Variants in SLAIN1 observed in about 807,000 individuals in gnomAD.
SLAIN1 encodes SLAIN motif-containing protein 1.
A neutral mutation model predicts 55.4 loss-of-function variants in SLAIN1; 17 were observed. The observed-to-expected ratio is 0.31, with a 90% CI of 0.21 to 0.46. The LOEUF (loss-of-function observed/expected upper bound fraction) is 0.46. SLAIN1 is among the 20% of genes least tolerant of loss of function. The probability of loss-of-function intolerance (pLI) is 1.00; values close to 1 mark genes in which losing one functional copy is unlikely to be tolerated. For synonymous variants in SLAIN1, 348 were observed against 337.4 expected, an observed-to-expected ratio of 1.03 and a Z score of -0.35; for missense variants, 682 against 785.1, an observed-to-expected ratio of 0.87 and a Z score of 1.57.
At chr13:77,706,110 T>C (rs2091086960) in intron 1 of SLAIN1, among the ~76,000 whole-genome samples, 1 of 152,148 alleles carries the variant, frequency 6.6e-6, no homozygotes. Context: ...GGCATCACTT[T>C]ATACTCTACT....
In SLAIN1 at chr13:77,710,328, A is replaced by T. The variant is rs552219226; in HGVS notation, c.627-9204A>T. On this transcript the variant is annotated intron_variant, in intron 1 of 6. Transcript: ENST00000418532. ...GACCCATTGGTGTGCTGTATTCAGG[A>T]GACCCATCTCACATGCAAAGGCACA... Among the ~76,000 whole-genome samples the T allele has an allele frequency of 7.2e-5, 11 of 152,314 alleles. No homozygotes were observed. In the South Asian group the frequency reaches 2.3e-3, roughly 32 times the overall value.
intron 2 of SLAIN1, among the ~76,000 whole-genome samples, chr13:77,724,646 G>T (rs550529345): frequency 2.6e-5 from 4 of 152,252 alleles, no homozygotes; most frequent in Non-Finnish European, 4.4e-5. Flanking sequence ...AAAAATTATG[G>T]TTTTGACCCA....
At chr13:77,729,845 A>G (rs2091340668) in intron 2 of SLAIN1, among the ~76,000 whole-genome samples, 1 of 152,160 alleles carries the variant, frequency 6.6e-6, no homozygotes, top group South Asian at 2.1e-4. Context: ...ATGATTTCCC[A>G]AAGACGTGAG....
rs1304579878 is a variant in SLAIN1 at position 77,738,062 on chromosome 13, A to C, written c.767-6221A>C. On this transcript the variant is annotated intron_variant, in intron 2 of 6. Coordinates refer to ENST00000418532, the MANE Select transcript of SLAIN1 (RefSeq NM_001242868.2). Reference sequence around the variant, plus strand: ...GCCACATGCTGTGTGTATCTGTGGAAGATATTTAGGTAACTGCTTGGAGAC... The same window carrying C: ...GCCACATGCTGTGTGTATCTGTGGACGATATTTAGGTAACTGCTTGGAGAC... Among the ~76,000 whole-genome samples the C allele has an allele frequency of 2.0e-5, 3 of 152,002 alleles. No homozygotes were observed. In the South Asian group the frequency reaches 6.2e-4, roughly 31 times the overall value.
intron 1 of SLAIN1, among the ~76,000 whole-genome samples, chr13:77,703,538 T>C (rs1236973460): frequency 1.3e-5 from 2 of 152,018 alleles, no homozygotes; most frequent in South Asian, 2.1e-4. Flanking sequence ...TAAGTAACTT[T>C]TAAATGTTGA....
At chr13:77,713,603 G>A (rs2091174930) in intron 1 of SLAIN1, among the ~76,000 whole-genome samples, 1 of 152,188 alleles carries the variant, frequency 6.6e-6, no homozygotes, top group South Asian at 2.1e-4. Flanking sequence ...CATTGTAGAA[G>A]ACAGTGTGGC....
chr13:77,761,119 G>T lies in SLAIN1; in HGVS notation c.1697+9G>T. 1 of 1,612,590 alleles carries T rather than the reference G, an allele frequency of 6.2e-7. No homozygotes were observed. The highest frequency in any genetic ancestry group is 8.5e-7 in the Non-Finnish European group (1 of 1,178,828). On this transcript the variant is annotated intron_variant, in intron 6 of 6. Transcript: ENST00000418532. ...GCACAACCTGTTAGAAGGTAAGAAT[G>T]TGTATTTGCGTAACTTCATTTGCAG...
In SLAIN1 at chr13:77,698,468, G is replaced by A. The variant is rs1316447532; in HGVS notation, c.555G>A (p.Thr185=). 5 of 1,447,058 alleles carry A rather than the reference G, an allele frequency of 3.5e-6. No individual in the cohort carries two copies. The highest frequency in any genetic ancestry group is 3.6e-6 in the Non-Finnish European group (4 of 1,104,966). 89.6% of individuals were successfully genotyped at this position (1,447,058 alleles called of 1,614,324 possible). A position where few individuals can be genotyped will look rare whatever the true frequency, so the allele number is the denominator to read the frequency against. Residue 185 remains threonine, a synonymous_variant, in exon 1 of 7, where the codon ACG becomes ACA. Transcript: ENST00000418532. The surrounding 1 kb of genome is among the most constrained non-coding windows in gnomAD (Gnocchi z 4.1). ...CAGCGCCGCCCTCGCCGCCCCCCAC[G>A]CTGCTGGACGAGGTGGAATTGCTGG... ...AAAAPPSPPP[T]LLDEVELLDL...
Position 77,698,796 on chromosome 13 carries a change from T to C in SLAIN1, c.626+257T>C, listed in dbSNP as rs2091000853. ...GGCCCCCCCTTCCCCCCATCTGCCA[T>C]GGGTTCTGCTATTTGCTGATTGTTG... On this transcript the variant is annotated intron_variant, in intron 1 of 6. Transcript: ENST00000418532. This position sits in a 1 kb window ranked among gnomAD's most constrained non-coding sequence, Gnocchi z 4.1. 7.6e-7 allele frequency: 1 copy of C among 1,322,934 alleles called. No homozygotes were observed. The highest frequency in any genetic ancestry group is 1.6e-5 in the South Asian group (1 of 63,678). 81.9% of individuals were successfully genotyped at this position (1,322,934 alleles called of 1,614,324 possible).
chr13:77,721,197 GTTAAGTGTGGCA>G (rs2091258560), intron 2 of SLAIN1, among the ~76,000 whole-genome samples: 1 of 152,118 alleles, frequency 6.6e-6, no homozygotes, highest in Admixed American at 6.5e-5. Context: ...AGCTGATGGT[GTTAAGTGTGGCA>G]CTTCCTCGCT....
intron 5 of SLAIN1, among the ~76,000 whole-genome samples, chr13:77,753,636 T>A (rs946437627): frequency 3.3e-5 from 5 of 152,150 alleles, no homozygotes; most frequent in Non-Finnish European, 7.4e-5. Context: ...AAATTGTTAT[T>A]TGTATAATAA....
intron 2 of SLAIN1, among the ~76,000 whole-genome samples, chr13:77,726,361 C>T (rs1004298096): frequency 6.6e-6 from 1 of 152,032 alleles, no homozygotes; most frequent in African/African-American, 2.4e-5. Context: ...TAGTATATTC[C>T]TACAGATGAC....
chr13:77,719,172 CAAAGAG>C (rs900062625), intron 1 of SLAIN1, among the ~76,000 whole-genome samples: 17 of 149,986 alleles, frequency 1.1e-4, no homozygotes, highest in Admixed American at 9.3e-4. Flanking sequence ...ATTCTGTTGC[CAAAGAG>C]AAAGATGAAA....
At position 77,698,139 on chromosome 13, in the gene SLAIN1, C is replaced by T; in HGVS notation, c.226C>T (p.Gln76Ter). 1 of 997,796 alleles carries T rather than the reference C, an allele frequency of 1.0e-6. No homozygotes were observed. Among genetic ancestry groups the T allele is most frequent in the Non-Finnish European group, 1.2e-6 (1 of 867,780 alleles). The allele number at this position is 997,796 out of a possible 1,614,324, so 61.8% of individuals were successfully genotyped here. The stretch of plus-strand genomic sequence containing the variant: ...CGCCGCGCCGCCCCCCGCTGGCCTG[C>T]AGCCTTTGGGTCCTCGGAGCCCCCC... The part of the protein sequence containing the change: ...PPAAPPPAGL[Q>*]PLGPRSPPAA... The change falls in exon 1 of 7, where the codon CAG (glutamine) becomes TAG (stop). Residue 76 changes from glutamine to a stop codon, truncating the protein, a stop_gained. Coordinates refer to ENST00000418532, the MANE Select transcript of SLAIN1 (RefSeq NM_001242868.2). LOFTEE classifies it high-confidence loss of function. The surrounding 1 kb of genome is among the most constrained non-coding windows in gnomAD (Gnocchi z 4.1).
intron 1 of SLAIN1, among the ~76,000 whole-genome samples, chr13:77,709,605 T>C (rs1374925848): frequency 1.3e-5 from 2 of 152,206 alleles, no homozygotes; most frequent in African/African-American, 4.8e-5. Flanking sequence ...ATATTCAACA[T>C]TCTTAAAGAA....
At chr13:77,742,214 G>A (rs564945058) in intron 2 of SLAIN1, among the ~76,000 whole-genome samples, 33 of 151,862 alleles carry the variant, frequency 2.2e-4, no homozygotes, top group Non-Finnish European at 4.4e-4. Flanking sequence ...CATGGCTGGT[G>A]TAATTCCTTT....
intron 1 of SLAIN1, among the ~76,000 whole-genome samples, chr13:77,718,510 A>T (rs1242693480): frequency 6.6e-6 from 1 of 152,194 alleles, no homozygotes; most frequent in Non-Finnish European, 1.5e-5. Context: ...AGAATAGTAC[A>T]TTCCCCAACC....
At chr13:77,728,091 C>A (rs182265146) in intron 2 of SLAIN1, among the ~76,000 whole-genome samples, 2 of 152,244 alleles carry the variant, frequency 1.3e-5, no homozygotes, top group African/African-American at 4.8e-5. Context: ...ACAACAATCT[C>A]TTTAGTTGGT....
rs186612570 is a variant in SLAIN1, at chr13:77,720,952, G to T, written c.766+1281G>T. ...GGCATGTTAGGGTTAAAACTTTGGT[G>T]ATAGATGCTCATCTAACAGAGCAGC... On this transcript the variant is annotated intron_variant, in intron 2 of 6. Transcript: ENST00000418532. Among the ~76,000 whole-genome samples the T allele has an allele frequency of 1.2e-3, 190 of 152,044 alleles. 2 individuals carry two copies. Among genetic ancestry groups the T allele is most frequent in the Admixed American group, 0.012 (177 of 15,266 alleles).
Sources: gnomAD v4.1 joint callset for allele counts (sites outside exome capture counted in the v4.1 genomes callset) on GRCh38, gnomAD v4.1.1 for gene constraint, Gnocchi (gnomAD v3.1) non-coding constraint, MANE v1.5 for transcripts, NCBI Gene and HGNC (gene_info 2026-07-23, HGNC 2026-07-21) for gene names.